Variants in MYLK observed in about 807,000 individuals in gnomAD.
MYLK encodes myosin light chain kinase.
A neutral mutation model predicts 203.4 loss-of-function variants in MYLK; 106 were observed. The ratio of observed to expected loss-of-function variants is 0.52; its 90% CI spans 0.45 to 0.61. The LOEUF (loss-of-function observed/expected upper bound fraction) is 0.61, where lower values mean the gene tolerates loss of function less well. Ranked by LOEUF, MYLK falls within the 20% of genes least tolerant of loss-of-function variation. The pLI is 0.00. For synonymous variants in MYLK, 867 were observed against 959.5 expected (o/e 0.90, Z 1.78); for missense variants, 2,072 against 2,442.3 (o/e 0.85, Z 3.20).
At chr3:123,679,906 C>T (rs1355241830) in intron 20 of MYLK, among the ~76,000 whole-genome samples, 1 of 152,140 alleles carries the variant, frequency 6.6e-6, no homozygotes, top group Admixed American at 6.5e-5. Context: ...GGGGAGACCC[C>T]CTTCTGCTTC....
rs569756528 is a variant in MYLK, at chr3:123,876,622, T to C, written c.-185-5A>G. On this transcript the variant is annotated splice_region_variant and splice_polypyrimidine_tract_variant and intron_variant, in intron 1 of 33. Coordinates refer to ENST00000360304, the MANE Select transcript of MYLK (RefSeq NM_053025.4). ...GTTAATTTTGAAGAATCCTTCCTAA[T>C]ACACAAATCAAAGAAATAATAGAAA... is the stretch of plus-strand genomic sequence containing the variant. 1.4e-4 allele frequency: 21 copies of C among 152,298 alleles called. 1 individual carries two copies. The East Asian group carries it at 3.3e-3, about 24-fold the overall frequency. The allele number at this position is 152,298 out of a possible 1,614,324, so 9.4% of individuals were successfully genotyped here.
At chr3:123,770,458 TTTAAA>T (rs1432206204) in intron 4 of MYLK, among the ~76,000 whole-genome samples, 7 of 152,306 alleles carry the variant, frequency 4.6e-5, no homozygotes, top group African/African-American at 1.7e-4. Context: ...GCATGAGTCT[TTTAAA>T]CATTATTTAA....
chr3:123,681,640 G>C (rs1203210017), intron 20 of MYLK: 2 of 165,594 alleles, frequency 1.2e-5, no homozygotes, highest in Non-Finnish European at 2.7e-5. Flanking sequence ...GTGCAGTGAA[G>C]AGCTCAGTTT....
At chr3:123,853,370 G>A (rs2031039863) in intron 2 of MYLK, among the ~76,000 whole-genome samples, 1 of 152,020 alleles carries the variant, frequency 6.6e-6, no homozygotes, top group Non-Finnish European at 1.5e-5. Context: ...TTTTTAAGGG[G>A]GAGAACCAAG....
chr3:123,704,130 C>G (rs1246730237), intron 16 of MYLK, among the ~76,000 whole-genome samples: 1 of 152,242 alleles, frequency 6.6e-6, no homozygotes, highest in East Asian at 1.9e-4. Flanking sequence ...CCCCAGCAGT[C>G]TAAGGGGTCA....
At chr3:123,692,035 A>C (rs2060691864) in intron 19 of MYLK, among the ~76,000 whole-genome samples, 1 of 152,182 alleles carries the variant, frequency 6.6e-6, no homozygotes, top group African/African-American at 2.4e-5. Flanking sequence ...TTCCAATTCT[A>C]TACTCCCCAG....
chr3:123,859,711 A>G (rs1577139096), intron 2 of MYLK, among the ~76,000 whole-genome samples: 1 of 152,366 alleles, frequency 6.6e-6, no homozygotes, highest in East Asian at 1.9e-4. Context: ...AAGGACAAGA[A>G]CAAACAATTC....
At chr3:123,675,059 T>C (rs1158541553) in intron 20 of MYLK, among the ~76,000 whole-genome samples, 1 of 152,226 alleles carries the variant, frequency 6.6e-6, no homozygotes, top group African/African-American at 2.4e-5. Context: ...AACCCGGGAA[T>C]TCCCAAGGAA....
chr3:123,860,006 T>A (rs1299908873), intron 2 of MYLK, among the ~76,000 whole-genome samples: 2 of 150,804 alleles, frequency 1.3e-5, no homozygotes, highest in African/African-American at 4.9e-5. Context: ...GAAAAAGGCA[T>A]GATTCTAAAC....
chr3:123,875,083 A>G (rs909941977), intron 2 of MYLK, among the ~76,000 whole-genome samples: 8 of 152,128 alleles, frequency 5.3e-5, no homozygotes, highest in Admixed American at 3.9e-4. Context: ...ATTCCATTAC[A>G]TTTACCATAC....
At chr3:123,775,631 A>G (rs2064044374) in intron 4 of MYLK, among the ~76,000 whole-genome samples, 1 of 152,204 alleles carries the variant, frequency 6.6e-6, no homozygotes, top group African/African-American at 2.4e-5. Flanking sequence ...TCTAAATAAG[A>G]ATATGAGTTC....
At chr3:123,791,193 T>C (rs534640676) in intron 4 of MYLK, among the ~76,000 whole-genome samples, 9 of 152,238 alleles carry the variant, frequency 5.9e-5, no homozygotes, top group South Asian at 2.1e-4. Context: ...CTGACATGCA[T>C]TGGAAGGCAG....
intron 1 of MYLK, among the ~76,000 whole-genome samples, chr3:123,881,254 G>C (rs1178463452): frequency 6.6e-6 from 1 of 152,120 alleles, no homozygotes; most frequent in Non-Finnish European, 1.5e-5. Flanking sequence ...TTGATTCTGA[G>C]CACTCAGGCC....
intron 11 of MYLK, among the ~76,000 whole-genome samples, chr3:123,730,705 A>AAAACCCAT (rs2062445682): frequency 6.6e-6 from 1 of 152,210 alleles, no homozygotes; most frequent in African/African-American, 2.4e-5. Context: ...TCAGAAGAGG[A>AAAACCCAT]AAACCCATAG....
chr3:123,824,319 A>T (rs2066040765), intron 3 of MYLK, among the ~76,000 whole-genome samples: 1 of 152,190 alleles, frequency 6.6e-6, no homozygotes, highest in Non-Finnish European at 1.5e-5. Flanking sequence ...CGAACTCCTG[A>T]CCTCAGGTGA....
chr3:123,833,509 C>T (rs2066398951), intron 2 of MYLK, among the ~76,000 whole-genome samples: 1 of 87,506 alleles, frequency 1.1e-5, no homozygotes, highest in African/African-American at 5.0e-5. Flanking sequence ...TCTCCCTATC[C>T]TCAGTTCCCT....
chr3:123,801,632 T>G (rs2065198927), intron 3 of MYLK, among the ~76,000 whole-genome samples: 1 of 152,224 alleles, frequency 6.6e-6, no homozygotes, highest in Non-Finnish European at 1.5e-5. Context: ...TTTATGTTCA[T>G]GTATACCTCA....
chr3:123,845,208 T>G (rs77083020), intron 2 of MYLK, among the ~76,000 whole-genome samples: 1 of 152,098 alleles, frequency 6.6e-6, no homozygotes, highest in Non-Finnish European at 1.5e-5. Flanking sequence ...CACAGGGCAC[T>G]CTGTTAGGGT....
At chr3:123,805,737 G>C (rs2109193301) in intron 3 of MYLK, among the ~76,000 whole-genome samples, 1 of 152,324 alleles carries the variant, frequency 6.6e-6, no homozygotes, top group Middle Eastern at 3.4e-3. Flanking sequence ...CTTGAACCCT[G>C]CTACTGCCAC....
Sources: gnomAD v4.1 joint callset for allele counts (sites outside exome capture counted in the v4.1 genomes callset) on GRCh38, gnomAD v4.1.1 for gene constraint, MANE v1.5 for transcripts, NCBI Gene and HGNC (gene_info 2026-07-23, HGNC 2026-07-21) for gene names.